Variants in PTPRN2 observed in about 807,000 individuals in gnomAD.
PTPRN2 encodes the protein receptor-type tyrosine-protein phosphatase N2.
A neutral mutation model predicts 118.8 loss-of-function variants in PTPRN2; 74 were observed. The observed-to-expected ratio is 0.62, with a 90% CI of 0.52 to 0.76. PTPRN2 has a LOEUF of 0.76. PTPRN2 is among the 30% of genes least tolerant of loss of function. The pLI is 0.00. For missense variants in PTPRN2, 1,481 were observed against 1,394.4 expected, an observed-to-expected ratio of 1.06 and a Z score of -0.99; for synonymous variants, 641 against 608.0, an observed-to-expected ratio of 1.05 and a Z score of -0.80.
intron 3 of PTPRN2, among the ~76,000 whole-genome samples, chr7:158,239,909 G>A (rs564051212): frequency 5.4e-4 from 82 of 152,336 alleles, no homozygotes; most frequent in African/African-American, 1.9e-3. Context: ...TGAAGGGAAC[G>A]TAGATGACAC....
rs767928963 is a variant in PTPRN2 at position 158,167,127 on chromosome 7, G to A, written c.714C>T (p.Asp238=). 1.9e-6 allele frequency: 3 copies of A among 1,613,920 alleles called. No homozygotes were observed. Among genetic ancestry groups the A allele is most frequent in the South Asian group, 2.2e-5 (2 of 91,072 alleles). The change falls in exon 6 of 23, where the codon GAC becomes GAT. Residue 238 remains aspartate, a synonymous_variant. Coordinates refer to ENST00000389418, the MANE Select transcript of PTPRN2 (RefSeq NM_002847.5). ...TGAGGGCCGCCATCAGATGGTGTCT[G>A]TCCACACCACTGTCCACCTTAGGGC... ...ELSPKVDSGV[D]RHHLMAALSA...
chr7:158,028,666 GA>G (rs1458796233), intron 11 of PTPRN2: 1 of 152,288 alleles, frequency 6.6e-6, no homozygotes, highest in Non-Finnish European at 1.5e-5. Flanking sequence ...CTGTCAGAAG[GA>G]AAACACTGTT....
chr7:158,195,098 G>A (rs1307728078), intron 4 of PTPRN2, among the ~76,000 whole-genome samples: 3 of 152,294 alleles, frequency 2.0e-5, no homozygotes, highest in South Asian at 2.1e-4. Context: ...CTGCCAGAAC[G>A]GCGGCTTTAC....
At chr7:158,106,634 C>T (rs1815705798) in intron 10 of PTPRN2, among the ~76,000 whole-genome samples, 1 of 152,212 alleles carries the variant, frequency 6.6e-6, no homozygotes, top group African/African-American at 2.4e-5. Flanking sequence ...CACACAAACG[C>T]CTACCTGTGG....
At chr7:158,173,556 T>C (rs1025295756) in intron 5 of PTPRN2, among the ~76,000 whole-genome samples, 27 of 152,162 alleles carry the variant, frequency 1.8e-4, no homozygotes, top group African/African-American at 3.9e-4. Context: ...TGGGCATGCA[T>C]TGTCTTGATA....
At chr7:158,387,557 T>G (rs1811548601) in intron 2 of PTPRN2, among the ~76,000 whole-genome samples, 2 of 152,184 alleles carry the variant, frequency 1.3e-5, no homozygotes, top group Non-Finnish European at 1.5e-5. Context: ...TCCAGGGGGC[T>G]GCGGCATCCC....
At chr7:157,983,036 C>T (rs1212573341) in intron 11 of PTPRN2, among the ~76,000 whole-genome samples, 5 of 384 alleles carry the variant, frequency 0.013, no homozygotes, top group Admixed American at 0.022. Context: ...CAGGGTCCCC[C>T]CCAAACCCCG....
intron 3 of PTPRN2, among the ~76,000 whole-genome samples, chr7:158,266,513 G>A (rs1156264690): frequency 2.0e-5 from 3 of 151,962 alleles, no homozygotes; most frequent in African/African-American, 7.3e-5. Context: ...CTGGCAGTGA[G>A]GCTGGGGACG....
At chr7:157,878,019 G>A (rs775319510) in intron 12 of PTPRN2, among the ~76,000 whole-genome samples, 2 of 152,254 alleles carry the variant, frequency 1.3e-5, no homozygotes, top group East Asian at 1.9e-4. Context: ...GATGCGGAGC[G>A]AAGGCTACTT....
intron 2 of PTPRN2, among the ~76,000 whole-genome samples, chr7:158,455,271 G>T (rs1818388286): frequency 8.6e-6 from 1 of 116,260 alleles, no homozygotes; most frequent in Non-Finnish European, 1.8e-5. Flanking sequence ...ATCGGCCACG[G>T]CCACCCATCG....
intron 12 of PTPRN2, among the ~76,000 whole-genome samples, chr7:157,804,126 A>G (rs1049984297): frequency 2.6e-5 from 4 of 152,252 alleles, no homozygotes; most frequent in Non-Finnish European, 4.4e-5. Context: ...TTCCTTAAGA[A>G]ACAGGCGCAA....
Position 158,308,393 on chromosome 7 carries a change from T to C in PTPRN2, c.277+8426A>G, listed in dbSNP as rs537274056. ...TGAAAGGACATTAGACAGTGAGTTG[T>C]ATCCAGATGAAGAAATAAACAGCAC... On this transcript the variant is annotated intron_variant, in intron 3 of 22. Coordinates refer to ENST00000389418, the MANE Select transcript of PTPRN2 (RefSeq NM_002847.5). 3.9e-5 allele frequency among the ~76,000 whole-genome samples: 6 copies of C among 152,342 alleles called. 1 individual carries two copies. The East Asian group carries it at 7.7e-4, about 20-fold the overall frequency.
chr7:157,670,804 C>A (rs1796372201), intron 13 of PTPRN2, among the ~76,000 whole-genome samples: 1 of 152,240 alleles, frequency 6.6e-6, no homozygotes, highest in Admixed American at 6.5e-5. Flanking sequence ...CTGAACCTTG[C>A]TTTTCAGTTT....
chr7:157,852,727 G>A (rs894016414), intron 12 of PTPRN2, among the ~76,000 whole-genome samples: 4 of 151,992 alleles, frequency 2.6e-5, no homozygotes, highest in Non-Finnish European at 5.9e-5. Flanking sequence ...AAATTAGCTG[G>A]GTGTGGTGGT....
At position 158,130,704 on chromosome 7, in the gene PTPRN2, ACACACT is replaced by A. The variant is rs1004667015; in HGVS notation, c.1556+2967_1556+2972del. Among the ~76,000 whole-genome samples, 49 of 151,778 alleles carry A rather than the reference ACACACT, an allele frequency of 3.2e-4. 1 individual carries two copies. Among genetic ancestry groups the A allele is most frequent in the Admixed American group, 3.1e-3 (48 of 15,244 alleles). ...ATACAGACACACACATCTACCCAAC[ACACACT>A]CATATACACACATGCACATACGCAC... is the stretch of plus-strand genomic sequence containing the variant. On this transcript the variant is annotated intron_variant, in intron 9 of 22. Coordinates refer to ENST00000389418, the MANE Select transcript of PTPRN2 (RefSeq NM_002847.5).
At chr7:158,415,203 T>C (rs1814555181) in intron 2 of PTPRN2, among the ~76,000 whole-genome samples, 1 of 152,204 alleles carries the variant, frequency 6.6e-6, no homozygotes, top group African/African-American at 2.4e-5. Context: ...TAATCTTTAC[T>C]CTGCAGTCCC....
At chr7:158,433,733 A>T (rs1051373741) in intron 2 of PTPRN2, among the ~76,000 whole-genome samples, 2 of 151,998 alleles carry the variant, frequency 1.3e-5, no homozygotes, top group South Asian at 2.1e-4. Context: ...TATTTCTTTA[A>T]CTTCAATTTT....
chr7:158,016,646 T>C (rs1336922362), intron 11 of PTPRN2, among the ~76,000 whole-genome samples: 1 of 152,230 alleles, frequency 6.6e-6, no homozygotes, highest in Non-Finnish European at 1.5e-5. Flanking sequence ...GAAACACAAG[T>C]GCTTGCCAGC....
chr7:158,177,101 C>T (rs577656578), intron 5 of PTPRN2, among the ~76,000 whole-genome samples: 93 of 152,320 alleles, frequency 6.1e-4, no homozygotes, highest in Non-Finnish European at 1.1e-3. Flanking sequence ...AGGCGTCCCT[C>T]CTCTTGGATA....
Sources: allele counts gnomAD v4.1 joint callset (sites outside exome capture counted in the v4.1 genomes callset), GRCh38; gene constraint gnomAD v4.1.1; transcripts MANE v1.5; gene names NCBI Gene and HGNC (gene_info 2026-07-23, HGNC 2026-07-21).